Variants in MASP1 observed in about 807,000 individuals in gnomAD.
MASP1 encodes mannan-binding lectin serine protease 1.
A neutral mutation model predicts 77.1 loss-of-function variants in MASP1; 59 were observed. The ratio of observed to expected loss-of-function variants is 0.77; its 90% CI spans 0.62 to 0.95. The LOEUF (loss-of-function observed/expected upper bound fraction) is 0.95. MASP1 is among the 40% of genes least tolerant of loss of function. MASP1 has a pLI of 0.00. For missense variants in MASP1, 885 were observed against 912.9 expected (o/e 0.97, Z 0.39); for synonymous variants, 362 against 354.5 (o/e 1.02, Z -0.24).
At chr3:187,260,719 T>A (rs1560019871) in intron 4 of MASP1, 22 bp downstream of exon 4, 1 of 1,614,164 alleles carries the variant, frequency 6.2e-7, no homozygotes, top group Non-Finnish European at 8.5e-7. Flanking sequence ...GGGCAATGCA[T>A]ACAATCATTG....
intron 9 of MASP1, chr3:187,242,539 T>C (rs1713736438): frequency 6.8e-6 from 1 of 148,120 alleles, no homozygotes; most frequent in African/African-American, 2.5e-5. Context: ...CAAAGAGGAG[T>C]TGGAGGCTTA....
At chr3:187,261,173 C>A (rs1053972318) in intron 3 of MASP1, among the ~76,000 whole-genome samples, 3 of 152,168 alleles carry the variant, frequency 2.0e-5, no homozygotes, top group Non-Finnish European at 4.4e-5. Flanking sequence ...GTGTGTGGGA[C>A]AACAACCTCA....
At chr3:187,251,867 T>C in intron 6 of MASP1, 115 bp from the exon 7 acceptor site, 2 of 808,150 alleles carry the variant, frequency 2.5e-6, no homozygotes, top group Non-Finnish European at 4.3e-6. Flanking sequence ...AACTGGGTAT[T>C]GGAGGCATGG....
chr3:187,256,855 A>G lies in MASP1; in HGVS notation c.553T>C (p.Cys185Arg), dbSNP rs752054973. The G allele has an allele frequency of 6.2e-7, 1 of 1,613,590 alleles. No individual in the cohort carries two copies. The highest frequency in any genetic ancestry group is 8.5e-7 in the Non-Finnish European group (1 of 1,179,838). Reference protein sequence around the residue: ...HTDNRTCRVECSDNLFTQRTG... With the variant: ...HTDNRTCRVERSDNLFTQRTG... The stretch of plus-strand genomic sequence containing the variant: ...CTTTGAGTGAAGAGGTTGTCACTGC[A>G]CTCCACTGTTGGAAACATAATAGAG... The change falls in exon 5 of 11, where the codon TGC becomes CGC. Residue 185 changes from cysteine to arginine, a missense_variant. By Grantham distance (180) the Cys-to-Arg change is radical. Transcript: ENST00000296280.
Position 187,251,412 on chromosome 3 carries a change from T to TA in MASP1, c.1011+221dup, listed in dbSNP as rs11454655. 144,002 of 443,338 alleles carry TA rather than the reference T, an allele frequency of 0.32. 8,832 individuals carry two copies. Among genetic ancestry groups the TA allele is most frequent in the African/African-American group, 0.53 (25,068 of 46,886 alleles). 27.5% of individuals were successfully genotyped at this position (443,338 alleles called of 1,614,324 possible). On this transcript the variant is annotated intron_variant, in intron 7 of 10. Transcript: ENST00000296280. ...AATTCAAACCAGCTCATGCTCTGAT[T>TA]AAAAAAAAAAAAAAAACAAACTTTT...
At chr3:187,228,997 G>A (rs1712605726) in intron 11 of MASP1, among the ~76,000 whole-genome samples, 1 of 152,236 alleles carries the variant, frequency 6.6e-6, no homozygotes, top group African/African-American at 2.4e-5. Flanking sequence ...CCTGGGAGTT[G>A]CTCATGCAGA....
At position 187,236,205 on chromosome 3, in the gene MASP1, G is replaced by A. The variant is rs749814050; in HGVS notation, c.1666C>T (p.Leu556=). 1.9e-6 allele frequency: 3 copies of A among 1,614,216 alleles called. No homozygotes were observed. The South Asian group carries it at 3.3e-5, about 18-fold the overall frequency. The change falls in exon 11 of 11, where the codon CTG becomes TTG. Residue 556 remains leucine, a synonymous_variant. Coordinates refer to ENST00000296280, the MANE Select transcript of MASP1 (RefSeq NM_139125.4). ...NIQNYNHDIA[L]VQLQEPVPLG... ...GGCACAGGCTCCTGCAGCTGCACCAGAGCTATATCGTGGTTGTAGTTTTGG... is the reference window on the plus strand; with the variant it reads ...GGCACAGGCTCCTGCAGCTGCACCAAAGCTATATCGTGGTTGTAGTTTTGG...
At chr3:187,217,775 A>C (rs1052370666) in exon 16 of MASP1, 1 of 152,208 alleles carries the variant, frequency 6.6e-6, no homozygotes, top group African/African-American at 2.4e-5. Context: ...CCTGGGTTCC[A>C]TGGCCTATTT....
At chr3:187,258,135 A>C (rs1560018040) in intron 4 of MASP1, among the ~76,000 whole-genome samples, 2 of 152,240 alleles carry the variant, frequency 1.3e-5, no homozygotes, top group Non-Finnish European at 2.9e-5. Context: ...CCAGCAGCTG[A>C]ACAAGTACTG....
In MASP1 at chr3:187,253,214, G is replaced by A. The variant is rs1415236568; in HGVS notation, c.846C>T (p.Asp282=). The stretch of plus-strand genomic sequence containing the variant: ...TCCAGCCCCGGTTCTCTCCCGAGTT[G>A]TCACTATGGAACAGGATCAGGACAC... ...SHSVLILFHS[D]NSGENRGWRL... The change falls in exon 6 of 11, where the codon GAC becomes GAT. Residue 282 remains aspartate (D), a synonymous_variant. Transcript: ENST00000296280. The A allele has an allele frequency of 6.2e-7, 1 of 1,614,054 alleles. No individual in the cohort carries two copies. Among genetic ancestry groups the A allele is most frequent in the East Asian group, 2.2e-5 (1 of 44,890 alleles).
chr3:187,267,422 T>A (rs1372122549), intron 2 of MASP1, among the ~76,000 whole-genome samples: 1 of 152,204 alleles, frequency 6.6e-6, no homozygotes, highest in Non-Finnish European at 1.5e-5. Context: ...GGGAGCTACG[T>A]TCCCCAGACT....
intron 2 of MASP1, among the ~76,000 whole-genome samples, chr3:187,280,926 C>T (rs1717356827): frequency 6.6e-6 from 1 of 152,136 alleles, no homozygotes; most frequent in African/African-American, 2.4e-5. Context: ...CAAAGTAGAC[C>T]TTAGAGACCA....
intron 8 of MASP1, chr3:187,245,043 A>G (rs1321467254): frequency 6.6e-6 from 1 of 152,216 alleles, no homozygotes; most frequent in Non-Finnish European, 1.5e-5. Context: ...TCCACTAAGA[A>G]GGCCAATCAA....
chr3:187,254,814 T>G (rs1464546410), intron 5 of MASP1, among the ~76,000 whole-genome samples: 5 of 152,144 alleles, frequency 3.3e-5, no homozygotes, highest in Admixed American at 2.6e-4. Flanking sequence ...TTCTTTTCCA[T>G]GTCTTTAACC....
intron 8 of MASP1, among the ~76,000 whole-genome samples, chr3:187,246,067 C>T (rs1714054732): frequency 6.6e-6 from 1 of 152,216 alleles, no homozygotes; most frequent in African/African-American, 2.4e-5. Flanking sequence ...TCCCCTGCTG[C>T]CTCCTGCTCC....
chr3:187,241,527 G>T lies in MASP1; in HGVS notation c.1257C>A (p.Val419=). The T allele has an allele frequency of 6.2e-7, 1 of 1,613,716 alleles. No homozygotes were observed. Among genetic ancestry groups the T allele is most frequent in the South Asian group, 1.1e-5 (1 of 91,074 alleles). ...TTCTCCCCAATACTTTATTCATCCA[G>T]ACTCCTTGGGCAGAACAGGTATATA... ...TGIYTCSAQG[V]WMNKVLGRSL... Residue 419 remains valine, a synonymous_variant, in exon 10 of 11, where the codon GTC becomes GTA. Transcript: ENST00000296280.
At chr3:187,232,886 G>A (rs557084564), downstream of MASP1, among the ~76,000 whole-genome samples, 11 of 152,266 alleles carry the variant, frequency 7.2e-5, no homozygotes, top group Admixed American at 2.6e-4. Flanking sequence ...AGTGTAAAAA[G>A]GATGGCATTT....
At chr3:187,220,053 G>T in exon 16 of MASP1, 1 of 1,612,538 alleles carries the variant, frequency 6.2e-7, no homozygotes, top group Non-Finnish European at 8.5e-7. Context: ...TGGTGGTGCT[G>T]GGGCTGAGGA....
chr3:187,261,948 G>A (rs1291679860), intron 3 of MASP1, among the ~76,000 whole-genome samples: 2 of 152,180 alleles, frequency 1.3e-5, no homozygotes, highest in Non-Finnish European at 2.9e-5. Flanking sequence ...AAAACATTAT[G>A]CTGAGTAAAA....
Sources: gnomAD v4.1 joint callset for allele counts (sites outside exome capture counted in the v4.1 genomes callset) on GRCh38, gnomAD v4.1.1 for gene constraint, MANE v1.5 for transcripts, NCBI Gene and HGNC (gene_info 2026-07-23, HGNC 2026-07-21) for gene names.